The following MAST4 variants were observed in gnomAD, a reference collection of about 807,000 sequenced individuals.
MAST4 encodes microtubule-associated serine/threonine-protein kinase 4.
A neutral mutation model predicts 162.7 loss-of-function variants in MAST4; 89 were observed. That is an observed-to-expected ratio of 0.55 (90% CI 0.46 to 0.65). MAST4 has a LOEUF of 0.65. MAST4 is among the 30% of genes least tolerant of loss of function. The pLI is 0.00. For synonymous variants in MAST4, 1,479 were observed against 1,361.1 expected (o/e 1.09, Z -1.91); for missense variants, 3,153 against 3,374.0 (o/e 0.93, Z 1.62).
At chr5:66,650,562 T>G (rs1746151422) in intron 1 of MAST4, among the ~76,000 whole-genome samples, 1 of 152,168 alleles carries the variant, frequency 6.6e-6, no homozygotes, top group South Asian at 2.1e-4. Context: ...GAATTTTGAG[T>G]ATCATTGTTT....
chr5:66,651,251 AAATG>A lies in MAST4; in HGVS notation c.363+54236_363+54239del, dbSNP rs147837700. 6.9e-3 allele frequency among the ~76,000 whole-genome samples: 1,053 copies of A among 152,192 alleles called. 12 individuals carry two copies. The highest frequency in any genetic ancestry group is 0.024 in the African/African-American group (1,011 of 41,526). ...TATTCAGGAAAGATTTAGGGGTAAA[AAATG>A]AAGTCTGAATTTTTACTCTCCATGT... is the stretch of plus-strand genomic sequence containing the variant. On this transcript the variant is annotated intron_variant, in intron 1 of 28. Transcript: ENST00000403625.
chr5:66,976,219 A>G (rs181371628), intron 4 of MAST4, among the ~76,000 whole-genome samples: 23 of 152,300 alleles, frequency 1.5e-4, no homozygotes, highest in African/African-American at 5.5e-4. Context: ...GATGAACTGG[A>G]TGGTTCCAGC....
intron 3 of MAST4, among the ~76,000 whole-genome samples, chr5:66,834,860 C>A (rs1245567661): frequency 6.6e-6 from 1 of 152,280 alleles, no homozygotes; most frequent in Admixed American, 6.5e-5. Context: ...ATGCAGGATA[C>A]CTGTGCTGCA....
chr5:67,108,770 A>G (rs1765881406), intron 10 of MAST4, among the ~76,000 whole-genome samples: 1 of 152,130 alleles, frequency 6.6e-6, no homozygotes, highest in Non-Finnish European at 1.5e-5. Flanking sequence ...TCTGAGTACA[A>G]TCATTTTTTA....
intron 4 of MAST4, among the ~76,000 whole-genome samples, chr5:66,979,387 A>C (rs1305987147): frequency 7.2e-5 from 11 of 152,134 alleles, no homozygotes; most frequent in Non-Finnish European, 5.9e-5. Context: ...AAGAAAAAAA[A>C]ATAGTCATTA....
intron 1 of MAST4, among the ~76,000 whole-genome samples, chr5:66,729,298 A>G (rs1561290616): frequency 6.6e-6 from 1 of 152,228 alleles, no homozygotes; most frequent in East Asian, 1.9e-4. Flanking sequence ...CACATTAGAA[A>G]TCAGGTATTG....
chr5:67,052,248 T>G (rs947770869), intron 4 of MAST4, among the ~76,000 whole-genome samples: 1 of 152,180 alleles, frequency 6.6e-6, no homozygotes, highest in East Asian at 1.9e-4. Flanking sequence ...AGATTAGAAA[T>G]CTGTATAGAG....
chr5:66,941,588 A>T (rs1743376486), intron 4 of MAST4, among the ~76,000 whole-genome samples: 1 of 152,176 alleles, frequency 6.6e-6, no homozygotes, highest in Non-Finnish European at 1.5e-5. Flanking sequence ...TCTTCATATC[A>T]GCAAGAAGGC....
At chr5:66,826,259 A>G (rs921294953) in intron 3 of MAST4, among the ~76,000 whole-genome samples, 1 of 151,946 alleles carries the variant, frequency 6.6e-6, no homozygotes, top group South Asian at 2.1e-4. Context: ...ATTTGATGGT[A>G]TGATGGTCAT....
At chr5:66,908,778 G>T (rs1460705844) in intron 4 of MAST4, among the ~76,000 whole-genome samples, 1 of 152,170 alleles carries the variant, frequency 6.6e-6, no homozygotes, top group East Asian at 1.9e-4. Context: ...ATCAATCACT[G>T]AGTAGCATTT....
intron 4 of MAST4, among the ~76,000 whole-genome samples, chr5:66,995,281 AAGTG>A (rs1750503562): frequency 6.6e-6 from 1 of 152,174 alleles, no homozygotes; most frequent in African/African-American, 2.4e-5. Flanking sequence ...ACCAGAGTAA[AAGTG>A]TGTATTGTTT....
At chr5:66,716,508 G>C (rs1580276382) in intron 1 of MAST4, among the ~76,000 whole-genome samples, 2 of 151,454 alleles carry the variant, frequency 1.3e-5, no homozygotes, top group East Asian at 3.9e-4. Flanking sequence ...ACCGTGCCCA[G>C]CTAATTAAAA....
At chr5:66,779,420 G>T (rs1754751568) in intron 2 of MAST4, among the ~76,000 whole-genome samples, 1 of 144,480 alleles carries the variant, frequency 6.9e-6, no homozygotes, top group Non-Finnish European at 1.5e-5. Flanking sequence ...TTTTTTTAAG[G>T]CTAGAATAGC....
intron 5 of MAST4, among the ~76,000 whole-genome samples, chr5:67,072,261 G>A (rs1386370516): frequency 1.3e-5 from 2 of 152,162 alleles, no homozygotes; most frequent in African/African-American, 4.8e-5. Flanking sequence ...TAAGAGTGCT[G>A]ATTAGTTTAA....
rs537260037 is a variant in MAST4 at position 67,168,646 on chromosome 5, T to G, written c.*1595T>G. 1.3e-5 allele frequency: 2 copies of G among 152,316 alleles called. No individual in the cohort carries two copies. Among genetic ancestry groups the G allele is most frequent in the East Asian group, 1.9e-4 (1 of 5,192 alleles). 9.4% of individuals were successfully genotyped at this position (152,316 alleles called of 1,614,324 possible). On this transcript the variant is annotated 3_prime_UTR_variant, in exon 29 of 29. Transcript: ENST00000403625. ...GTTGCTTGGGAACCATAGCAGAATT[T>G]TTTGTTTGGTTTTGTAAGAGAAAAA...
At chr5:66,991,835 T>C (rs1470187495) in intron 4 of MAST4, among the ~76,000 whole-genome samples, 1 of 152,210 alleles carries the variant, frequency 6.6e-6, no homozygotes, top group Non-Finnish European at 1.5e-5. Flanking sequence ...TTTTGAACGA[T>C]TGAAGGATGT....
intron 1 of MAST4, among the ~76,000 whole-genome samples, chr5:66,689,850 A>G (rs1321579792): frequency 2.0e-5 from 3 of 152,162 alleles, no homozygotes; most frequent in Admixed American, 2.0e-4. Flanking sequence ...CGAGAAGGTG[A>G]TGCCATCTCC....
chr5:66,722,530 C>T (rs1580294024), intron 1 of MAST4, among the ~76,000 whole-genome samples: 1 of 151,614 alleles, frequency 6.6e-6, no homozygotes, highest in African/African-American at 2.4e-5. Context: ...CCACCTCTCT[C>T]ATCAGAATGT....
At chr5:66,956,016 T>C (rs1745276797) in intron 4 of MAST4, among the ~76,000 whole-genome samples, 1 of 151,698 alleles carries the variant, frequency 6.6e-6, no homozygotes, top group Non-Finnish European at 1.5e-5. Context: ...AAAGACAGGG[T>C]CTTGCTATGT....
Sources: gnomAD v4.1 joint callset for allele counts (sites outside exome capture counted in the v4.1 genomes callset) on GRCh38, gnomAD v4.1.1 for gene constraint, MANE v1.5 for transcripts, NCBI Gene and HGNC (gene_info 2026-07-23, HGNC 2026-07-21) for gene names.